Variants in NFKBIZ observed in about 807,000 individuals in gnomAD.
The protein encoded by NFKBIZ is NFKB inhibitor zeta.
NFKBIZ carries 19 observed loss-of-function variants against 76.8 expected under a neutral mutation model. The observed-to-expected ratio is 0.25, with a 90% CI of 0.17 to 0.36. The LOEUF (loss-of-function observed/expected upper bound fraction) is 0.36. Ranked by LOEUF, NFKBIZ falls within the 10% of genes least tolerant of loss-of-function variation. The probability of loss-of-function intolerance (pLI) is 1.00; values close to 1 mark genes in which losing one functional copy is unlikely to be tolerated. For synonymous variants in NFKBIZ, 368 were observed against 354.8 expected, an observed-to-expected ratio of 1.04 and a Z score of -0.42; for missense variants, 829 against 910.9, an observed-to-expected ratio of 0.91 and a Z score of 1.16.
chr3:101,851,787 T>C (rs1218684423), intron 1 of NFKBIZ, among the ~76,000 whole-genome samples: 1 of 152,190 alleles, frequency 6.6e-6, no homozygotes, highest in Non-Finnish European at 1.5e-5. Flanking sequence ...TGGTTAGAGC[T>C]GAGAGATAGA....
In NFKBIZ at chr3:101,853,004, A is replaced by G. The variant is rs1363586221; in HGVS notation, c.564+15A>G. The G allele has an allele frequency of 9.3e-6, 15 of 1,613,642 alleles. No individual in the cohort carries two copies. The highest frequency in any genetic ancestry group is 1.3e-5 in the African/African-American group (1 of 74,860). On this transcript the variant is annotated intron_variant, in intron 4 of 11. Transcript: ENST00000326172. ...CCCAATTTTTGGTAAGTATCTCACC[A>G]TTTTCCTCTGACTATCCTTTGGAAA...
At chr3:101,857,033 A>ATTTTCTTT in intron 9 of NFKBIZ, 40 bp from the exon 10 acceptor site, 2 of 1,088,180 alleles carry the variant, frequency 1.8e-6, no homozygotes, top group Non-Finnish European at 2.6e-6. Context: ...TAGTATCTGG[A>ATTTTCTTT]TTTTTTTTTT....
chr3:101,853,656 T>A lies in NFKBIZ; in HGVS notation c.1130T>A (p.Met377Lys). ...GCTCACTTGCACAGCTTCAGCATGA[T>A]GCCCAGCAGCGCCTGTGAGGCCATG... ...NDAHLHSFSM[M>K]PSSACEAMVG... The change falls in exon 5 of 12, where the codon ATG becomes AAG. Residue 377 changes from methionine to lysine, a missense_variant. Met to Lys is a moderately conservative substitution (Grantham distance 95). This residue lies in a region of NFKBIZ where 371 missense variants were observed against 332.3 expected (regional missense o/e 1.12). Transcript: ENST00000326172. 1 of 1,614,258 alleles carries A rather than the reference T, an allele frequency of 6.2e-7. No individual in the cohort carries two copies. The highest frequency in any genetic ancestry group is 8.5e-7 in the Non-Finnish European group (1 of 1,180,038).
upstream of NFKBIZ, among the ~76,000 whole-genome samples, chr3:101,845,549 G>T (rs1313282873): frequency 6.6e-6 from 1 of 151,980 alleles, no homozygotes; most frequent in Non-Finnish European, 1.5e-5. Context: ...AATACTTCCT[G>T]CCATGGCCTC....
intron 1 of NFKBIZ, among the ~76,000 whole-genome samples, chr3:101,850,618 G>A (rs1195564133): frequency 6.6e-6 from 1 of 152,196 alleles, no homozygotes; most frequent in Non-Finnish European, 1.5e-5. Context: ...AGTGAACCGA[G>A]TTGCATAATT....
At chr3:101,845,264 T>C (rs1427999712), upstream of NFKBIZ, among the ~76,000 whole-genome samples, 3 of 148,848 alleles carry the variant, frequency 2.0e-5, no homozygotes, top group Non-Finnish European at 4.5e-5. Context: ...CGAGACTCTG[T>C]CTCAAAAAAA....
At chr3:101,835,388 T>G (rs558216294) in intron 2 of NFKBIZ, among the ~76,000 whole-genome samples, 34 of 152,164 alleles carry the variant, frequency 2.2e-4, no homozygotes, top group Non-Finnish European at 4.4e-4. Context: ...AGAATAGAGA[T>G]AGAAGTATGA....
intron 9 of NFKBIZ, 80 bp from the exon 10 acceptor site, chr3:101,856,993 G>A: frequency 1.0e-6 from 1 of 994,140 alleles, no homozygotes; most frequent in Non-Finnish European, 1.5e-6. Flanking sequence ...AGACATTCAG[G>A]AGACTGGGTG....
At chr3:101,857,226 T>A in intron 10 of NFKBIZ, 43 bp downstream of exon 10, 1 of 938,340 alleles carries the variant, frequency 1.1e-6, no homozygotes, top group South Asian at 1.9e-5. Flanking sequence ...CCTCTCAAAG[T>A]TTTTGAGCTC....
At chr3:101,845,950 G>C (rs1460477532), upstream of NFKBIZ, among the ~76,000 whole-genome samples, 3 of 152,212 alleles carry the variant, frequency 2.0e-5, no homozygotes, top group Non-Finnish European at 4.4e-5. Context: ...AGGCTTCAGA[G>C]TCAGTTAGAT....
chr3:101,836,452 A>G (rs1182137637), intron 2 of NFKBIZ, among the ~76,000 whole-genome samples: 1 of 152,120 alleles, frequency 6.6e-6, no homozygotes, highest in Non-Finnish European at 1.5e-5. Flanking sequence ...TATCTTATAT[A>G]GCTTTTTGAT....
intron 8 of NFKBIZ, 47 bp downstream of exon 8, chr3:101,855,505 C>T: frequency 6.5e-7 from 1 of 1,548,936 alleles, no homozygotes; most frequent in South Asian, 1.1e-5. Context: ...TAGGGGGAAC[C>T]ATAAGGTCTA....
Position 101,852,756 on chromosome 3 carries a change from G to C in NFKBIZ, c.448G>C (p.Glu150Gln). 1.2e-6 allele frequency: 2 copies of C among 1,611,174 alleles called. No homozygotes were observed. The highest frequency in any genetic ancestry group is 1.7e-6 in the Non-Finnish European group (2 of 1,178,900). The change falls in exon 3 of 12, where the codon GAA (glutamate) becomes CAA (glutamine). Residue 150 changes from glutamate (E) to glutamine (Q), a missense_variant. Coordinates refer to ENST00000326172, the MANE Select transcript of NFKBIZ (RefSeq NM_031419.4). ...TTTATAGACACAAGGTGTGAACATA[G>C]AACAGTTCAGAGGTAAGAGTTACTT... ...DDFKTQGVNIEQFRELKNTVS... is the reference protein window; with the variant it reads ...DDFKTQGVNIQQFRELKNTVS...
intron 1 of NFKBIZ, 42 bp downstream of exon 1, chr3:101,849,959 C>T: frequency 7.4e-7 from 1 of 1,349,810 alleles, no homozygotes. Flanking sequence ...GGGGCGCGCA[C>T]GCCTAGGAGG....
Position 101,853,185 on chromosome 3 carries a change from T to C in NFKBIZ, c.659T>C (p.Ile220Thr). ...AGCAGTGCTGATCTGCTTCAGAACA[T>C]TATCAACATTAAGAATGAATGCAGC... ...QESSADLLQN[I>T]INIKNECSPV... The change falls in exon 5 of 12, where the codon ATT (isoleucine) becomes ACT (threonine). Residue 220 changes from isoleucine to threonine, a missense_variant. Around this residue, in one of 4 missense-constraint regions of NFKBIZ, gnomAD observed 371 missense variants for 332.3 expected, o/e 1.12. Transcript: ENST00000326172. The C allele has an allele frequency of 1.2e-6, 2 of 1,614,078 alleles. No individual in the cohort carries two copies. Among genetic ancestry groups the C allele is most frequent in the Non-Finnish European group, 1.7e-6 (2 of 1,180,008 alleles).
chr3:101,831,218 A>C (rs903106675), intron 2 of NFKBIZ, among the ~76,000 whole-genome samples: 1 of 152,214 alleles, frequency 6.6e-6, no homozygotes, highest in Non-Finnish European at 1.5e-5. Flanking sequence ...CAAGAGGGCA[A>C]AAATAGGTTC....
At position 101,853,225 on chromosome 3, in the gene NFKBIZ, C is replaced by T. The variant is rs138181723; in HGVS notation, c.699C>T (p.Asn233=). 13 of 1,614,050 alleles carry T rather than the reference C, an allele frequency of 8.1e-6. No individual in the cohort carries two copies. The African/African-American group carries it at 1.3e-4, about 17-fold the overall frequency. ...IKNECSPVSL[N]TVQVSWLNPV... is the part of the protein sequence containing the mutation. ...ATGAATGCAGCCCCGTTTCCCTGAACACAGTTCAAGTTAGCTGGCTGAACC... is the reference window on the plus strand; with the variant it reads ...ATGAATGCAGCCCCGTTTCCCTGAATACAGTTCAAGTTAGCTGGCTGAACC... Residue 233 remains asparagine, a synonymous_variant, in exon 5 of 12, where the codon AAC becomes AAT. Coordinates refer to ENST00000326172, the MANE Select transcript of NFKBIZ (RefSeq NM_031419.4).
rs1035467931 is a variant in NFKBIZ at position 101,849,990 on chromosome 3, A to T, written c.289+73A>T. 11 of 1,284,128 alleles carry T rather than the reference A, an allele frequency of 8.6e-6. No homozygotes were observed. In the African/African-American group the frequency reaches 1.7e-4, roughly 20 times the overall value. The allele number at this position is 1,284,128 out of a possible 1,614,324, so 79.5% of individuals were successfully genotyped here. On this transcript the variant is annotated intron_variant, in intron 1 of 11. Transcript: ENST00000326172. ...GGAGGTTGGGAGCGGGACTCCCCAG[A>T]TGGAGGGTGGCCCCTGCGCCCTCCT...
At chr3:101,846,193 C>T (rs1405746271), upstream of NFKBIZ, among the ~76,000 whole-genome samples, 2 of 152,174 alleles carry the variant, frequency 1.3e-5, no homozygotes, top group Admixed American at 6.5e-5. Flanking sequence ...ACTCACATGG[C>T]GGGCATATTG....
Sources: gnomAD v4.1 joint callset for allele counts (sites outside exome capture counted in the v4.1 genomes callset) on GRCh38, gnomAD v4.1.1 for gene constraint, gnomAD v4.1.1 regional missense constraint, MANE v1.5 for transcripts, NCBI Gene and HGNC (gene_info 2026-07-23, HGNC 2026-07-21) for gene names.